Variants in RBMS1 observed in about 807,000 individuals in gnomAD.
RBMS1 encodes the protein RNA-binding motif, single-stranded-interacting protein 1.
Under a neutral mutation model 62.3 loss-of-function variants are expected in RBMS1, and 17 were observed. The observed-to-expected ratio is 0.27, with a 90% CI of 0.19 to 0.41. RBMS1 has a LOEUF of 0.41. Among genes scored for constraint, RBMS1 ranks in the 10% least tolerant of loss-of-function variants. The pLI, the probability that RBMS1 is intolerant of heterozygous loss-of-function variation, is 1.00. For missense variants in RBMS1, 334 were observed against 504.5 expected (o/e 0.66, Z 3.24); for synonymous variants, 172 against 170.0 (o/e 1.01, Z -0.09).
At chr2:160,422,842 T>C (rs555068807) in intron 1 of RBMS1, among the ~76,000 whole-genome samples, 1 of 152,354 alleles carries the variant, frequency 6.6e-6, no homozygotes, top group South Asian at 2.1e-4. Flanking sequence ...ATTTTAGTTA[T>C]ACCTTTACTG....
intron 6 of RBMS1, among the ~76,000 whole-genome samples, chr2:160,290,781 C>G (rs1432988512): frequency 6.6e-6 from 1 of 152,194 alleles, no homozygotes; most frequent in African/African-American, 2.4e-5. Context: ...TCCGGCATCT[C>G]TTAAGAGCCA....
At chr2:160,295,455 C>T (rs1456904549) in intron 6 of RBMS1, among the ~76,000 whole-genome samples, 2 of 152,176 alleles carry the variant, frequency 1.3e-5, no homozygotes, top group African/African-American at 2.4e-5. Flanking sequence ...AGTGCTAATT[C>T]AGAACAAAGT....
chr2:160,300,924 G>A (rs1365462293), intron 5 of RBMS1, among the ~76,000 whole-genome samples, 194 bp from the exon 6 acceptor site: 1 of 152,150 alleles, frequency 6.6e-6, no homozygotes, highest in African/African-American at 2.4e-5. Flanking sequence ...AATGACAACT[G>A]ATAACAATAG....
intron 4 of RBMS1, among the ~76,000 whole-genome samples, chr2:160,309,007 C>T (rs1160406224): frequency 6.6e-6 from 1 of 152,164 alleles, no homozygotes; most frequent in African/African-American, 2.4e-5. Flanking sequence ...TAACAGATTG[C>T]TAAAATAGAA....
intron 1 of RBMS1, among the ~76,000 whole-genome samples, chr2:160,440,698 C>G (rs1320053323): frequency 1.3e-5 from 2 of 152,180 alleles, no homozygotes; most frequent in Non-Finnish European, 2.9e-5. Context: ...CGAGGTCACT[C>G]TCTGTAACAT....
At chr2:160,441,071 T>C (rs1683390203) in intron 1 of RBMS1, among the ~76,000 whole-genome samples, 3 of 152,230 alleles carry the variant, frequency 2.0e-5, no homozygotes, top group Admixed American at 6.5e-5. Flanking sequence ...ATGTCTGTCA[T>C]CATAGAGGAG....
rs570987902 is a variant in RBMS1, at chr2:160,472,880, T to C, written c.75+20409A>G. On this transcript the variant is annotated intron_variant, in intron 1 of 13. Transcript: ENST00000348849. ...GTACTCAGATAGAATTACAAATGAATGTTCTCTATTCCTGTTTATGTTAAG... is the reference window on the plus strand; with the variant it reads ...GTACTCAGATAGAATTACAAATGAACGTTCTCTATTCCTGTTTATGTTAAG... Among the ~76,000 whole-genome samples the C allele has an allele frequency of 3.9e-5, 6 of 152,326 alleles. No individual in the cohort carries two copies. The East Asian group carries it at 9.6e-4, about 24-fold the overall frequency.
At chr2:160,322,611 T>C (rs967542624) in intron 2 of RBMS1, among the ~76,000 whole-genome samples, 2 of 152,240 alleles carry the variant, frequency 1.3e-5, no homozygotes, top group African/African-American at 4.8e-5. Flanking sequence ...ACTGGCCTTC[T>C]GCAAACAAGT....
At chr2:160,322,579 T>C (rs1018258734) in intron 2 of RBMS1, among the ~76,000 whole-genome samples, 1 of 152,198 alleles carries the variant, frequency 6.6e-6, no homozygotes, top group East Asian at 1.9e-4. Context: ...CGGATTCCAC[T>C]CTGTCTGTGG....
At chr2:160,312,837 A>C (rs1489045035) in intron 4 of RBMS1, among the ~76,000 whole-genome samples, 1 of 151,340 alleles carries the variant, frequency 6.6e-6, no homozygotes, top group Non-Finnish European at 1.5e-5. Flanking sequence ...AAAAAAAAAC[A>C]GTACAGATCT....
rs1392540492 is a variant in RBMS1, at chr2:160,493,527, C to CTCCTCCTCCTCCTCT, written c.-179_-165dup. The CTCCTCCTCCTCCTCT allele has an allele frequency of 7.4e-4, 468 of 629,864 alleles. No individual in the cohort carries two copies. Among genetic ancestry groups the CTCCTCCTCCTCCTCT allele is most frequent in the Non-Finnish European group, 8.4e-4 (299 of 358,048 alleles). 39.0% of individuals were successfully genotyped at this position (629,864 alleles called of 1,614,324 possible). ...CTCCCAGCCGGGACCAGACGTCCTCCTCCTCCTCCTCCTCTTCCTCCTCCT... is the reference window on the plus strand; with the variant it reads ...CTCCCAGCCGGGACCAGACGTCCTCCTCCTCCTCCTCCTCTTCCTCCTCCTCCTCTTCCTCCTCCT... On this transcript the variant is annotated 5_prime_UTR_variant, in exon 1 of 14. Transcript: ENST00000348849.
chr2:160,349,549 C>T (rs1573909023), intron 2 of RBMS1, among the ~76,000 whole-genome samples: 1 of 126,984 alleles, frequency 7.9e-6, no homozygotes, highest in African/African-American at 3.1e-5. Context: ...ATCTCAGAGA[C>T]AGAAAGAGAG....
Position 160,475,920 on chromosome 2 carries a change from G to A in RBMS1, c.75+17369C>T, listed in dbSNP as rs551007670. ...CACCCAGGCTGGAATGCAGTTGTGTGATCTTGGCTCACTGCAACCTTCGCC... is the reference window on the plus strand; with the variant it reads ...CACCCAGGCTGGAATGCAGTTGTGTAATCTTGGCTCACTGCAACCTTCGCC... On this transcript the variant is annotated intron_variant, in intron 1 of 13. Coordinates refer to ENST00000348849, the MANE Select transcript of RBMS1 (RefSeq NM_016836.4). Among the ~76,000 whole-genome samples, 12 of 148,646 alleles carry A rather than the reference G, an allele frequency of 8.1e-5. No homozygotes were observed. The East Asian group carries it at 2.4e-3, about 29-fold the overall frequency.
At chr2:160,282,113 A>T in intron 9 of RBMS1, 1 of 678,998 alleles carries the variant, frequency 1.5e-6, no homozygotes, top group Non-Finnish European at 2.3e-6. Context: ...AGAGCTTTCC[A>T]GAGTCTAAGT....
intron 1 of RBMS1, among the ~76,000 whole-genome samples, chr2:160,449,747 T>C (rs1683880742): frequency 6.6e-6 from 1 of 152,164 alleles, no homozygotes; most frequent in Non-Finnish European, 1.5e-5. Context: ...CATGTTTATC[T>C]GCTGACCTCC....
intron 6 of RBMS1, among the ~76,000 whole-genome samples, chr2:160,295,704 T>C (rs1422899264): frequency 6.6e-6 from 1 of 152,130 alleles, no homozygotes; most frequent in Non-Finnish European, 1.5e-5. Context: ...AAAACACCAA[T>C]GACAAAACCA....
intron 2 of RBMS1, among the ~76,000 whole-genome samples, chr2:160,334,487 C>T (rs895520253): frequency 6.6e-5 from 10 of 152,180 alleles, no homozygotes; most frequent in Non-Finnish European, 7.3e-5. Flanking sequence ...GGACAAATGA[C>T]TCATCTTTCC....
intron 2 of RBMS1, among the ~76,000 whole-genome samples, chr2:160,364,332 T>C (rs1002365882): frequency 1.1e-4 from 16 of 152,358 alleles, no homozygotes; most frequent in African/African-American, 3.8e-4. Flanking sequence ...CCAAGATTCC[T>C]CGTACGTGTT....
chr2:160,309,709 G>T (rs73969147), intron 4 of RBMS1, among the ~76,000 whole-genome samples: 7,821 of 152,246 alleles, frequency 0.051, 300 homozygotes, highest in African/African-American at 0.1. Context: ...ACATCAGCAT[G>T]CTGCCTGGCT....
Sources: allele counts gnomAD v4.1 joint callset (sites outside exome capture counted in the v4.1 genomes callset), GRCh38; gene constraint gnomAD v4.1.1; transcripts MANE v1.5; gene names NCBI Gene and HGNC (gene_info 2026-07-23, HGNC 2026-07-21).